Variants in NSUN6 observed in about 807,000 individuals in gnomAD.
The protein encoded by NSUN6 is tRNA (cytosine(72)-C(5))-methyltransferase NSUN6.
Under a neutral mutation model 58.0 loss-of-function variants are expected in NSUN6, and 64 were observed. The ratio of observed to expected loss-of-function variants is 1.10; its 90% CI spans 0.90 to 1.36. The LOEUF (loss-of-function observed/expected upper bound fraction) is 1.36, where lower values mean the gene tolerates loss of function less well. Ranked by LOEUF, NSUN6 falls within the 40% of genes most tolerant of loss-of-function variation. NSUN6 has a pLI of 0.00. For missense variants in NSUN6, 701 were observed against 550.1 expected (o/e 1.27, Z -2.74); for synonymous variants, 231 against 193.9 (o/e 1.19, Z -1.59).
chr10:18,586,999 G>T (rs1453444604), intron 7 of NSUN6, among the ~76,000 whole-genome samples: 2 of 152,158 alleles, frequency 1.3e-5, no homozygotes, highest in Non-Finnish European at 2.9e-5. Flanking sequence ...AGGAAGTCCA[G>T]TTGGCTTCAC....
upstream of NSUN6, chr10:18,659,259 G>A (rs966411601): frequency 1.3e-5 from 3 of 228,130 alleles, no homozygotes; most frequent in Non-Finnish European, 2.5e-5. Flanking sequence ...AAAACGCCAC[G>A]TCGAAGGCGT....
intron 4 of NSUN6, among the ~76,000 whole-genome samples, chr10:18,615,936 T>C (rs1236299973): frequency 6.6e-6 from 1 of 151,390 alleles, no homozygotes; most frequent in Non-Finnish European, 1.5e-5. Context: ...CTATCAGTAA[T>C]GATCCACTAA....
At chr10:18,608,228 A>G (rs2058107929) in intron 6 of NSUN6, among the ~76,000 whole-genome samples, 1 of 152,196 alleles carries the variant, frequency 6.6e-6, no homozygotes, top group Non-Finnish European at 1.5e-5. Context: ...GACTCACAAT[A>G]TTTCATAAAG....
chr10:18,605,504 G>T (rs545807482), intron 6 of NSUN6, among the ~76,000 whole-genome samples: 1 of 152,156 alleles, frequency 6.6e-6, no homozygotes, highest in Non-Finnish European at 1.5e-5. Flanking sequence ...ATGCAAAATC[G>T]AGGGGGAAAT....
chr10:18,564,057 A>AT (rs1033261031), intron 8 of NSUN6, among the ~76,000 whole-genome samples: 2 of 148,998 alleles, frequency 1.3e-5, no homozygotes, highest in African/African-American at 4.9e-5. Flanking sequence ...ATTTCATTTC[A>AT]TTCCATTCCA....
At chr10:18,622,971 C>T (rs538170323) in intron 3 of NSUN6, among the ~76,000 whole-genome samples, 21 of 152,268 alleles carry the variant, frequency 1.4e-4, no homozygotes, top group African/African-American at 4.1e-4. Flanking sequence ...CTTTAGAAAA[C>T]GCTGGTTGAG....
At chr10:18,560,493 G>A (rs545520307) in intron 8 of NSUN6, among the ~76,000 whole-genome samples, 1 of 149,936 alleles carries the variant, frequency 6.7e-6, no homozygotes, top group African/African-American at 2.5e-5. Context: ...GGAATGGAAT[G>A]GAGAAAGGAA....
chr10:18,642,605 T>A (rs746202954), intron 2 of NSUN6, 50 bp from the exon 3 acceptor site: 2 of 908,484 alleles, frequency 2.2e-6, no homozygotes, highest in South Asian at 2.9e-5. Flanking sequence ...TTGATACATT[T>A]CAACTTATGG....
At chr10:18,569,504 TTCCATTCCATCC>T (rs1390430286) in intron 8 of NSUN6, among the ~76,000 whole-genome samples, 1 of 151,204 alleles carries the variant, frequency 6.6e-6, no homozygotes, top group African/African-American at 2.4e-5. Flanking sequence ...CCACTATCCA[TTCCATTCCATCC>T]TCCATTCCAT....
Position 18,572,695 on chromosome 10 carries a change from ATTCTCCATTCCATTCCC to A in NSUN6, c.922+13237_922+13253del, listed in dbSNP as rs774733771. On this transcript the variant is annotated intron_variant, in intron 8 of 10. Transcript: ENST00000377304. ...CTCCATTCTCTTCCATTCTCCTTCC[ATTCTCCATTCCATTCCC>A]TTCTCCATTCCATTCCACATCCTCC... Among the ~76,000 whole-genome samples the A allele has an allele frequency of 4.2e-3, 574 of 136,220 alleles. 3 individuals carry two copies. Among genetic ancestry groups the A allele is most frequent in the Admixed American group, 6.5e-3 (87 of 13,344 alleles). The allele number at this position is 136,220 out of a possible 152,430, so 89.4% of individuals were successfully genotyped here. A position where few individuals can be genotyped will look rare whatever the true frequency, so the allele number is the denominator to read the frequency against.
intron 8 of NSUN6, among the ~76,000 whole-genome samples, chr10:18,556,163 G>A (rs1428035898): frequency 6.6e-6 from 1 of 151,742 alleles, no homozygotes; most frequent in African/African-American, 2.4e-5. Context: ...ATGGAGAATG[G>A]AATGGAATGG....
At chr10:18,638,733 C>T (rs1275236134) in intron 3 of NSUN6, among the ~76,000 whole-genome samples, 1 of 151,972 alleles carries the variant, frequency 6.6e-6, no homozygotes, top group African/African-American at 2.4e-5. Flanking sequence ...AGGCAACAGG[C>T]AGACATTCTC....
intron 9 of NSUN6, among the ~76,000 whole-genome samples, chr10:18,550,159 A>G (rs1282660349): frequency 6.6e-6 from 1 of 152,232 alleles, no homozygotes; most frequent in African/African-American, 2.4e-5. Context: ...GCCTTTTAAA[A>G]TACCATTTTT....
intron 7 of NSUN6, among the ~76,000 whole-genome samples, chr10:18,589,609 T>A (rs974373529): frequency 2.6e-5 from 4 of 152,170 alleles, no homozygotes; most frequent in Non-Finnish European, 5.9e-5. Flanking sequence ...ATATTCAACA[T>A]TCTTAAATAA....
At chr10:18,585,926 A>C in intron 8 of NSUN6, 23 bp downstream of exon 8, 1 of 1,560,314 alleles carries the variant, frequency 6.4e-7, no homozygotes, top group Non-Finnish European at 8.7e-7. Flanking sequence ...TCAATTAAAA[A>C]TAAGAAAATC....
upstream of NSUN6, among the ~76,000 whole-genome samples, chr10:18,657,026 C>T (rs2059785338): frequency 6.6e-6 from 1 of 151,992 alleles, no homozygotes; most frequent in African/African-American, 2.4e-5. Context: ...CAGGATTTCT[C>T]CATGTTGTCT....
At chr10:18,550,851 A>G (rs2054555540) in intron 9 of NSUN6, among the ~76,000 whole-genome samples, 1 of 151,626 alleles carries the variant, frequency 6.6e-6, no homozygotes, top group South Asian at 2.1e-4. Flanking sequence ...CAACCTCCCG[A>G]GTAGCTGGGA....
intron 3 of NSUN6, among the ~76,000 whole-genome samples, chr10:18,631,275 T>C (rs2059020945): frequency 1.3e-5 from 2 of 148,212 alleles, no homozygotes; most frequent in African/African-American, 4.9e-5. Flanking sequence ...GAGCTATCTA[T>C]GACAAACCCA....
chr10:18,573,287 A>C (rs564361155), intron 8 of NSUN6, among the ~76,000 whole-genome samples: 1 of 148,578 alleles, frequency 6.7e-6, no homozygotes, highest in African/African-American at 2.5e-5. Context: ...TGCATACTCC[A>C]TCCCATTCCA....
Sources: gnomAD v4.1 joint callset for allele counts (sites outside exome capture counted in the v4.1 genomes callset) on GRCh38, gnomAD v4.1.1 for gene constraint, MANE v1.5 for transcripts, NCBI Gene and HGNC (gene_info 2026-07-23, HGNC 2026-07-21) for gene names.